The following FRMD4A variants were observed in gnomAD, a reference collection of about 807,000 sequenced individuals.
FRMD4A encodes FERM domain-containing protein 4A.
A neutral mutation model predicts 129.1 loss-of-function variants in FRMD4A; 29 were observed. That is an observed-to-expected ratio of 0.22 (90% CI 0.17 to 0.31). The LOEUF (loss-of-function observed/expected upper bound fraction) is 0.31. Among genes scored for constraint, FRMD4A ranks in the 10% least tolerant of loss-of-function variants. The pLI, the probability that FRMD4A is intolerant of heterozygous loss-of-function variation, is 1.00. For missense variants in FRMD4A, 1,272 were observed against 1,375.8 expected, an observed-to-expected ratio of 0.92 and a Z score of 1.19; for synonymous variants, 634 against 571.6, an observed-to-expected ratio of 1.11 and a Z score of -1.56.
At chr10:13,737,975 G>A (rs751527804) in intron 11 of FRMD4A, 45 bp from the exon 12 acceptor site, 56 of 1,028,930 alleles carry the variant, frequency 5.4e-5, no homozygotes, top group Non-Finnish European at 8.5e-5. Flanking sequence ...ACTGGAGGAA[G>A]TAAACACACG....
At chr10:14,226,600 C>G (rs1843444981) in intron 2 of FRMD4A, among the ~76,000 whole-genome samples, 1 of 152,160 alleles carries the variant, frequency 6.6e-6, no homozygotes, top group African/African-American at 2.4e-5. Flanking sequence ...CTCCCTGTGT[C>G]TTTACATCTT....
At chr10:14,271,892 A>G (rs1429110139) in intron 2 of FRMD4A, among the ~76,000 whole-genome samples, 2 of 152,178 alleles carry the variant, frequency 1.3e-5, no homozygotes, top group Non-Finnish European at 2.9e-5. Context: ...ATGTCACGGC[A>G]TTTATGAAGT....
chr10:13,798,455 G>A (rs975801156), intron 4 of FRMD4A, among the ~76,000 whole-genome samples: 10 of 152,070 alleles, frequency 6.6e-5, no homozygotes, highest in Non-Finnish European at 1.2e-4. Flanking sequence ...ACGCCTGTAC[G>A]CCTGTAATCC....
chr10:13,962,793 A>C (rs2095454420), intron 2 of FRMD4A, among the ~76,000 whole-genome samples: 1 of 152,200 alleles, frequency 6.6e-6, no homozygotes, highest in Non-Finnish European at 1.5e-5. Context: ...ATGGCGGGAG[A>C]GACAGAACCC....
At chr10:14,143,601 G>A (rs774970507) in intron 2 of FRMD4A, among the ~76,000 whole-genome samples, 33 of 152,150 alleles carry the variant, frequency 2.2e-4, no homozygotes, top group Non-Finnish European at 4.0e-4. Context: ...GGTTACAATA[G>A]TTTTTTGTTG....
At chr10:13,683,545 T>C (rs1040736529) in intron 15 of FRMD4A, among the ~76,000 whole-genome samples, 5 of 151,942 alleles carry the variant, frequency 3.3e-5, no homozygotes, top group Admixed American at 1.3e-4. Flanking sequence ...TACACTGAGC[T>C]ATGCTCACAC....
At chr10:13,985,074 C>G (rs1265258553) in intron 2 of FRMD4A, among the ~76,000 whole-genome samples, 1 of 152,234 alleles carries the variant, frequency 6.6e-6, no homozygotes, top group Non-Finnish European at 1.5e-5. Context: ...ATGAGCCCTG[C>G]TGGTGTGGGC....
Position 14,226,955 on chromosome 10 carries a change from C to T in FRMD4A, c.45+103103G>A, listed in dbSNP as rs770373617. On this transcript the variant is annotated intron_variant, in intron 2 of 24. Transcript: ENST00000357447. Reference sequence around the variant, plus strand: ...TGACATTGCCCTTAAAGTACTTCAACGGAGCCCAATGACCCTCCTATAAAG... The same window carrying T: ...TGACATTGCCCTTAAAGTACTTCAATGGAGCCCAATGACCCTCCTATAAAG... Among the ~76,000 whole-genome samples, 7 of 152,258 alleles carry T rather than the reference C, an allele frequency of 4.6e-5. No individual in the cohort carries two copies. In the East Asian group the frequency reaches 9.6e-4, roughly 21 times the overall value.
chr10:13,892,023 C>T (rs1242987256), intron 2 of FRMD4A, among the ~76,000 whole-genome samples: 2 of 141,300 alleles, frequency 1.4e-5, no homozygotes, highest in East Asian at 4.2e-4. Flanking sequence ...CAATGCGCGC[C>T]CCCGCCCCCC....
At chr10:13,970,206 G>T (rs892981471) in intron 2 of FRMD4A, among the ~76,000 whole-genome samples, 13 of 152,186 alleles carry the variant, frequency 8.5e-5, no homozygotes, top group Non-Finnish European at 1.3e-4. Context: ...AGACACACTT[G>T]ATATTTAGAG....
intron 2 of FRMD4A, among the ~76,000 whole-genome samples, chr10:14,121,581 G>T (rs1007786737): frequency 1.6e-4 from 25 of 152,156 alleles, no homozygotes; most frequent in African/African-American, 5.8e-4. Flanking sequence ...CCACTGAGAG[G>T]TGTGAAAGGG....
At chr10:13,667,249 C>G (rs2083124440) in intron 17 of FRMD4A, 1 of 152,654 alleles carries the variant, frequency 6.6e-6, no homozygotes, top group African/African-American at 2.4e-5. Flanking sequence ...TGTCCCTCCC[C>G]CATCTGCCTA....
chr10:13,674,493 G>A (rs1451571600), intron 16 of FRMD4A, among the ~76,000 whole-genome samples: 1 of 152,132 alleles, frequency 6.6e-6, no homozygotes, highest in East Asian at 1.9e-4. Flanking sequence ...GATGGGTTTA[G>A]GGACTTTTTC....
intron 2 of FRMD4A, among the ~76,000 whole-genome samples, chr10:14,171,241 C>G (rs970764304): frequency 5.9e-5 from 9 of 152,096 alleles, no homozygotes; most frequent in Non-Finnish European, 1.0e-4. Flanking sequence ...TTTTTTCACC[C>G]CTGCCTCTGC....
intron 2 of FRMD4A, among the ~76,000 whole-genome samples, chr10:13,931,329 C>T (rs1299561655): frequency 6.6e-6 from 1 of 152,152 alleles, no homozygotes; most frequent in African/African-American, 2.4e-5. Flanking sequence ...CCCCACCTAC[C>T]CCTTCTGGAC....
intron 2 of FRMD4A, among the ~76,000 whole-genome samples, chr10:14,204,098 A>G (rs1842712986): frequency 6.6e-6 from 1 of 152,172 alleles, no homozygotes; most frequent in Non-Finnish European, 1.5e-5. Context: ...TTGAAAAATT[A>G]CCGAAAGGAA....
chr10:13,652,120 G>A, intron 23 of FRMD4A, 146 bp from the exon 24 acceptor site: 1 of 672,616 alleles, frequency 1.5e-6, no homozygotes, highest in Admixed American at 2.2e-5. Context: ...GATCATACAA[G>A]TCATGCAGTA....
At chr10:14,324,434 T>C (rs1244161171) in intron 2 of FRMD4A, among the ~76,000 whole-genome samples, 2 of 152,180 alleles carry the variant, frequency 1.3e-5, no homozygotes, top group African/African-American at 4.8e-5. Flanking sequence ...GAAAGATAGA[T>C]GATACTAAAT....
intron 2 of FRMD4A, among the ~76,000 whole-genome samples, chr10:14,297,756 A>T (rs2132084602): frequency 6.6e-6 from 1 of 152,200 alleles, no homozygotes; most frequent in East Asian, 1.9e-4. Context: ...AGGACAGTTG[A>T]TGATTGAGGG....
Sources: gnomAD v4.1 joint callset for allele counts (sites outside exome capture counted in the v4.1 genomes callset) on GRCh38, gnomAD v4.1.1 for gene constraint, MANE v1.5 for transcripts, NCBI Gene and HGNC (gene_info 2026-07-23, HGNC 2026-07-21) for gene names.